Variants in SPECC1 observed in about 807,000 individuals in gnomAD.
SPECC1 encodes cytospin-B.
A neutral mutation model predicts 104.1 loss-of-function variants in SPECC1; 62 were observed. The observed-to-expected ratio is 0.60, with a 90% CI of 0.49 to 0.74. The LOEUF (loss-of-function observed/expected upper bound fraction) is 0.74, where lower values mean the gene tolerates loss of function less well. SPECC1 is among the 30% of genes least tolerant of loss of function. The pLI is 0.00. For synonymous variants in SPECC1, 513 were observed against 501.6 expected (o/e 1.02, Z -0.30); for missense variants, 1,306 against 1,310.5 (o/e 1.00, Z 0.05).
intron 12 of SPECC1, among the ~76,000 whole-genome samples, chr17:20,262,987 G>A (rs1319633247): frequency 2.0e-5 from 3 of 151,866 alleles, no homozygotes; most frequent in Admixed American, 6.6e-5. Flanking sequence ...TGCAGTGTGG[G>A]TCAGAAAAAA....
intron 3 of SPECC1, chr17:20,156,347 A>G (rs2032522823): frequency 8.3e-7 from 1 of 1,210,760 alleles, no homozygotes; most frequent in Non-Finnish European, 1.1e-6. Context: ...GCGAAAGGCT[A>G]AGGTCCTGGG....
Position 20,112,704 on chromosome 17 carries a change from T to C in SPECC1, c.283+2142T>C, listed in dbSNP as rs970963114. The stretch of plus-strand genomic sequence containing the variant: ...GGAGCATCCCTGAAACTGTGTAATT[T>C]TGAGGATCCTTCCGGTCTTAAAGCC... On this transcript the variant is annotated intron_variant, in intron 3 of 14. Coordinates refer to ENST00000395527, the MANE Select transcript of SPECC1 (RefSeq NM_001243439.2). The C allele has an allele frequency of 2.9e-5, 33 of 1,131,070 alleles. No individual in the cohort carries two copies. In the African/African-American group the frequency reaches 4.7e-4, roughly 16 times the overall value. 70.1% of individuals were successfully genotyped at this position (1,131,070 alleles called of 1,614,324 possible). A position where few individuals can be genotyped will look rare whatever the true frequency, so the allele number is the denominator to read the frequency against.
chr17:20,245,534 T>C (rs2039385482), intron 7 of SPECC1, among the ~76,000 whole-genome samples: 1 of 152,108 alleles, frequency 6.6e-6, no homozygotes. Flanking sequence ...GCATGGGGGT[T>C]GGAGCACATG....
At chr17:20,077,684 C>G (rs994348592) in intron 1 of SPECC1, among the ~76,000 whole-genome samples, 1 of 152,154 alleles carries the variant, frequency 6.6e-6, no homozygotes, top group African/African-American at 2.4e-5. Context: ...CCAGGCTGGT[C>G]TCGGACTCCT....
chr17:20,035,856 G>A (rs979025830), intron 1 of SPECC1, among the ~76,000 whole-genome samples: 1 of 151,224 alleles, frequency 6.6e-6, no homozygotes, highest in African/African-American at 2.4e-5. Flanking sequence ...TTTTTGAGAC[G>A]GAGTCTCGTT....
chr17:20,242,093 A>G (rs1474998797), intron 7 of SPECC1, among the ~76,000 whole-genome samples: 1 of 152,228 alleles, frequency 6.6e-6, no homozygotes, highest in Non-Finnish European at 1.5e-5. Context: ...TGAAGGTAGC[A>G]GTGGTGCCAT....
chr17:20,023,399 T>TA (rs1356310471), intron 1 of SPECC1, among the ~76,000 whole-genome samples: 2 of 152,116 alleles, frequency 1.3e-5, no homozygotes, highest in Non-Finnish European at 2.9e-5. Context: ...GCTGAGATTA[T>TA]AGTGATGGAC....
rs186064436 is a variant in SPECC1, at chr17:20,305,146, C to A, written c.3058-877C>A. 3.3e-4 allele frequency among the ~76,000 whole-genome samples: 50 copies of A among 152,208 alleles called. No individual in the cohort carries two copies. The East Asian group carries it at 9.3e-3, about 28-fold the overall frequency. On this transcript the variant is annotated intron_variant, in intron 13 of 14. Transcript: ENST00000395527. ...AGCTGTAGAGGACACGTGCCCACAG[C>A]TGGCTTCTGTGATGCCGCTTGTGGT... is the stretch of plus-strand genomic sequence containing the variant.
At chr17:20,253,367 G>A (rs2039702231) in intron 9 of SPECC1, 138 bp from the exon 10 acceptor site, 1 of 707,862 alleles carries the variant, frequency 1.4e-6, no homozygotes, top group South Asian at 2.1e-5. Flanking sequence ...AAATAAATGA[G>A]TTAATTAAAA....
intron 10 of SPECC1, among the ~76,000 whole-genome samples, chr17:20,257,222 T>A (rs1440402863): frequency 6.6e-6 from 1 of 152,184 alleles, no homozygotes; most frequent in Non-Finnish European, 1.5e-5. Flanking sequence ...CATCTTGAAA[T>A]TCACAGTGAT....
chr17:20,203,277 T>A (rs534058253), intron 3 of SPECC1, among the ~76,000 whole-genome samples: 1 of 87,692 alleles, frequency 1.1e-5, no homozygotes, highest in East Asian at 6.5e-4. Context: ...TCTTTCAGTT[T>A]GTAAAAAAAA....
At chr17:20,240,405 G>A (rs2039149841) in intron 7 of SPECC1, among the ~76,000 whole-genome samples, 2 of 151,778 alleles carry the variant, frequency 1.3e-5, no homozygotes, top group African/African-American at 4.8e-5. Flanking sequence ...TTTTTCATGT[G>A]ATATGGCTTT....
intron 7 of SPECC1, among the ~76,000 whole-genome samples, chr17:20,235,051 C>T (rs2151492134): frequency 6.6e-6 from 1 of 152,352 alleles, no homozygotes; most frequent in Middle Eastern, 3.4e-3. Flanking sequence ...ATCTCATTCT[C>T]AGCCCTGCCT....
intron 3 of SPECC1, among the ~76,000 whole-genome samples, chr17:20,131,300 TC>T (rs1295759169): frequency 2.0e-5 from 3 of 152,110 alleles, no homozygotes; most frequent in African/African-American, 7.2e-5. Context: ...CAAGTGATTC[TC>T]CTGCCTTAGC....
chr17:20,015,649 A>G (rs1597563729), intron 1 of SPECC1, among the ~76,000 whole-genome samples: 1 of 134,004 alleles, frequency 7.5e-6, no homozygotes, highest in East Asian at 2.1e-4. Flanking sequence ...CAATGGCACT[A>G]TCTCGGCTCA....
At chr17:20,123,931 A>G (rs559808268) in intron 3 of SPECC1, among the ~76,000 whole-genome samples, 2 of 152,358 alleles carry the variant, frequency 1.3e-5, no homozygotes, top group Non-Finnish European at 2.9e-5. Context: ...AGACTGTCCA[A>G]GTCCATGGGA....
At chr17:20,095,734 T>C (rs1017989564) in intron 1 of SPECC1, 3 of 152,592 alleles carry the variant, frequency 2.0e-5, no homozygotes, top group Admixed American at 2.0e-4. Flanking sequence ...TGTGGGTGTT[T>C]TGTAAAGTGC....
intron 7 of SPECC1, chr17:20,238,104 A>G: frequency 9.7e-7 from 1 of 1,028,048 alleles, no homozygotes; most frequent in Non-Finnish European, 1.2e-6. Context: ...CTCGTCTGAA[A>G]CAAGGTGCCT....
chr17:20,062,241 A>C (rs2046211839), intron 1 of SPECC1, among the ~76,000 whole-genome samples: 1 of 151,128 alleles, frequency 6.6e-6, no homozygotes, highest in African/African-American at 2.4e-5. Flanking sequence ...TGACAGAGCA[A>C]GACTCTGTCG....
Sources: gnomAD v4.1 joint callset for allele counts (sites outside exome capture counted in the v4.1 genomes callset) on GRCh38, gnomAD v4.1.1 for gene constraint, MANE v1.5 for transcripts, NCBI Gene and HGNC (gene_info 2026-07-23, HGNC 2026-07-21) for gene names.